Variants in KCNQ2 observed in about 807,000 individuals in gnomAD.
The protein encoded by KCNQ2 is potassium voltage-gated channel subfamily KQT member 2.
KCNQ2 carries 14 observed loss-of-function variants against 84.8 expected under a neutral mutation model. That is an observed-to-expected ratio of 0.17 (90% CI 0.11 to 0.26). The LOEUF is 0.26. Among genes scored for constraint, KCNQ2 ranks in the 10% least tolerant of loss-of-function variants. The pLI is 1.00. For missense variants in KCNQ2, 788 were observed against 1,254.0 expected (o/e 0.63, Z 5.61); for synonymous variants, 599 against 554.1 (o/e 1.08, Z -1.14).
chr20:63,450,883 T>G (rs1046354982), intron 1 of KCNQ2, among the ~76,000 whole-genome samples: 1 of 152,000 alleles, frequency 6.6e-6, no homozygotes, highest in African/African-American at 2.4e-5. Context: ...GGCTCACGCA[T>G]CAGCACTTCG....
chr20:63,448,836 G>A (rs978603055), intron 1 of KCNQ2, among the ~76,000 whole-genome samples: 1 of 152,144 alleles, frequency 6.6e-6, no homozygotes, highest in Non-Finnish European at 1.5e-5. Context: ...GGGCATCCTG[G>A]GGGGGAGTCT....
chr20:63,406,762 A>G lies in KCNQ2; in HGVS notation c.2501T>C (p.Ile834Thr). ...VAPCAKVRPYIAEGESDTDSD... is the reference protein window; with the variant it reads ...VAPCAKVRPYTAEGESDTDSD... ...GTCGGTGTCTGACTCTCCCTCCGCA[A>G]TGTAGGGCCTGACTTTGGCACAAGG... The change falls in exon 17 of 17, where the codon ATT (isoleucine) becomes ACT (threonine). Residue 834 changes from isoleucine (I) to threonine (T), a missense_variant. Ile to Thr is a moderately conservative substitution (Grantham distance 89, BLOSUM62 -1). This residue lies in a region of KCNQ2 where 378 missense variants were observed against 434.5 expected (regional missense o/e 0.87). Transcript: ENST00000359125. The G allele has an allele frequency of 1.2e-6, 2 of 1,612,358 alleles. No individual in the cohort carries two copies. Among genetic ancestry groups the G allele is most frequent in the East Asian group, 2.2e-5 (1 of 44,870 alleles).
At chr20:63,436,632 T>G (rs914468437) in intron 7 of KCNQ2, among the ~76,000 whole-genome samples, 1 of 152,164 alleles carries the variant, frequency 6.6e-6, no homozygotes, top group Non-Finnish European at 1.5e-5. Context: ...GCACAAAGAT[T>G]GCAACTCGCA....
At chr20:63,435,447 C>T (rs1246519622) in intron 7 of KCNQ2, among the ~76,000 whole-genome samples, 2 of 150,502 alleles carry the variant, frequency 1.3e-5, no homozygotes, top group Non-Finnish European at 1.5e-5. Context: ...CGGGACTGAA[C>T]TGCTGCCATC....
chr20:63,447,591 T>TTTTG (rs980632937), intron 1 of KCNQ2: 2 of 134,388 alleles, frequency 1.5e-5, no homozygotes, highest in Non-Finnish European at 3.3e-5. Context: ...GTATTTTTGT[T>TTTTG]TTTGTTTGTT....
Position 63,406,315 on chromosome 20 carries a change from A to C in KCNQ2, c.*329T>G. The C allele has an allele frequency of 9.8e-6, 3 of 306,306 alleles. No homozygotes were observed. The highest frequency in any genetic ancestry group is 1.8e-5 in the Non-Finnish European group (3 of 162,890). The allele number at this position is 306,306 out of a possible 1,614,324, so 19.0% of individuals were successfully genotyped here. Reference sequence around the variant, plus strand: ...CCCCCCGCCTGTTGCCACGCTGGCAACACCCCGTCATCACTCCCGCCCCTC... The same window carrying C: ...CCCCCCGCCTGTTGCCACGCTGGCACCACCCCGTCATCACTCCCGCCCCTC... On this transcript the variant is annotated 3_prime_UTR_variant, in exon 17 of 17. Transcript: ENST00000359125.
In KCNQ2 at chr20:63,424,224, A is replaced by C. The variant is rs908502131; in HGVS notation, c.1218-18T>G. The C allele has an allele frequency of 1.9e-6, 3 of 1,553,540 alleles. No homozygotes were observed. Among genetic ancestry groups the C allele is most frequent in the Admixed American group, 2.0e-5 (1 of 51,044 alleles). Reference sequence around the variant, plus strand: ...GGTCCTTCCTTCAAACAGAAGCAACAGAGAGTTAGTGGCCGCCCACTCAGC... The same window carrying C: ...GGTCCTTCCTTCAAACAGAAGCAACCGAGAGTTAGTGGCCGCCCACTCAGC... On this transcript the variant is annotated intron_variant, in intron 10 of 16. Coordinates refer to ENST00000359125, the MANE Select transcript of KCNQ2 (RefSeq NM_172107.4).
At chr20:63,462,064 G>T (rs1486025620) in intron 1 of KCNQ2, among the ~76,000 whole-genome samples, 2 of 132,670 alleles carry the variant, frequency 1.5e-5, no homozygotes, top group African/African-American at 5.9e-5. Context: ...GAGCAGGGAG[G>T]AGGCTGCACC....
chr20:63,405,084 C>T lies in KCNQ2; in HGVS notation c.*1560G>A, dbSNP rs1177597071. 6.6e-6 allele frequency: 1 copy of T among 152,284 alleles called. No homozygotes were observed. The highest frequency in any genetic ancestry group is 2.4e-5 in the African/African-American group (1 of 41,446). The allele number at this position is 152,284 out of a possible 1,614,324, so 9.4% of individuals were successfully genotyped here. A position where few individuals can be genotyped will look rare whatever the true frequency, so the allele number is the denominator to read the frequency against. ...TCAAATGCTGCTTTCAAAGTCCTCT[C>T]CCTCAGGACTGGTTCCCCTGCTGGC... On this transcript the variant is annotated 3_prime_UTR_variant, in exon 17 of 17. Transcript: ENST00000359125.
In KCNQ2 at chr20:63,403,709, G is replaced by C. The variant is rs1488132116; in HGVS notation, c.*2935C>G. On this transcript the variant is annotated 3_prime_UTR_variant, in exon 17 of 17. Transcript: ENST00000359125. ...TGCACATGTGTGCTATGTGGTCTGTGTGCATGTGTGCAAGCGTGCATGTGT... is the reference window on the plus strand; with the variant it reads ...TGCACATGTGTGCTATGTGGTCTGTCTGCATGTGTGCAAGCGTGCATGTGT... 6.6e-6 allele frequency: 1 copy of C among 152,284 alleles called. No homozygotes were observed. Among genetic ancestry groups the C allele is most frequent in the East Asian group, 1.9e-4 (1 of 5,202 alleles). 9.4% of individuals were successfully genotyped at this position (152,284 alleles called of 1,614,324 possible). A position where few individuals can be genotyped will look rare whatever the true frequency, so the allele number is the denominator to read the frequency against.
chr20:63,465,686 T>C (rs2082062197), intron 1 of KCNQ2, among the ~76,000 whole-genome samples: 1 of 152,172 alleles, frequency 6.6e-6, no homozygotes, highest in South Asian at 2.1e-4. Flanking sequence ...TTAGGCGTGT[T>C]GAACAGGTGC....
At chr20:63,440,776 C>CA (rs2081138844) in intron 5 of KCNQ2, among the ~76,000 whole-genome samples, 1 of 152,124 alleles carries the variant, frequency 6.6e-6, no homozygotes, top group South Asian at 2.1e-4. Context: ...TGGTGCAAAG[C>CA]AGCGCCAGCA....
intron 8 of KCNQ2, 182 bp downstream of exon 8, chr20:63,433,627 C>G: frequency 2.6e-6 from 3 of 1,133,958 alleles, no homozygotes; most frequent in Non-Finnish European, 3.8e-6. Flanking sequence ...AAAGCCGCAG[C>G]TCTAACACAA....
chr20:63,442,767 T>TCAC (rs1568934348), intron 4 of KCNQ2, among the ~76,000 whole-genome samples: 14 of 24,448 alleles, frequency 5.7e-4, no homozygotes, highest in Non-Finnish European at 8.7e-4. Context: ...ATCACCACCA[T>TCAC]CACCATCACC....
At chr20:63,411,225 A>G (rs1449976331) in intron 15 of KCNQ2, among the ~76,000 whole-genome samples, 1 of 152,124 alleles carries the variant, frequency 6.6e-6, no homozygotes, top group African/African-American at 2.4e-5. Context: ...AGATGCTGTG[A>G]CCGTCTGTAT....
intron 15 of KCNQ2, among the ~76,000 whole-genome samples, chr20:63,412,821 C>T (rs1308291263): frequency 1.3e-5 from 2 of 152,214 alleles, no homozygotes; most frequent in Non-Finnish European, 2.9e-5. Context: ...TCTCAACAGC[C>T]GTGTGTCCCC....
intron 6 of KCNQ2, 99 bp downstream of exon 6, chr20:63,439,499 A>G: frequency 1.1e-6 from 1 of 889,516 alleles, no homozygotes; most frequent in Non-Finnish European, 1.9e-6. Context: ...CTCCTGCCCC[A>G]GGTCCCACCT....
rs868616547 is a variant in KCNQ2, at chr20:63,406,968, G to T, written c.2295C>A (p.Phe765Leu). The T allele has an allele frequency of 2.6e-6, 4 of 1,555,424 alleles. No individual in the cohort carries two copies. Among genetic ancestry groups the T allele is most frequent in the Non-Finnish European group, 3.5e-6 (4 of 1,154,434 alleles). Residue 765 changes from phenylalanine to leucine, a missense_variant, in exon 17 of 17, where the codon TTC (phenylalanine) becomes TTA (leucine). By Grantham distance (22) the Phe-to-Leu change is conservative (BLOSUM62 0). Around this residue, in one of 8 missense-constraint regions of KCNQ2, gnomAD observed 378 missense variants for 434.5 expected, o/e 0.87. Coordinates refer to ENST00000359125, the MANE Select transcript of KCNQ2 (RefSeq NM_172107.4). ...YGGGNRASME[F>L]LRQEDTPGCR... ...AGCCCGGGGTGTCCTCCTGCCGCAG[G>T]AACTCCATGCTGGCGCGGTTGCCCC...
At chr20:63,437,863 G>A (rs1190736013) in intron 7 of KCNQ2, among the ~76,000 whole-genome samples, 2 of 152,174 alleles carry the variant, frequency 1.3e-5, no homozygotes, top group African/African-American at 4.8e-5. Flanking sequence ...AGGCTGGAGT[G>A]CTGTGGCGTG....
Sources: allele counts gnomAD v4.1 joint callset (sites outside exome capture counted in the v4.1 genomes callset), GRCh38; gene constraint gnomAD v4.1.1; regional missense constraint gnomAD v4.1.1; transcripts MANE v1.5; gene names NCBI Gene and HGNC (gene_info 2026-07-23, HGNC 2026-07-21).